SCAMP2: variants seen among roughly 807,000 people sequenced by gnomAD.
The protein encoded by SCAMP2 is secretory carrier-associated membrane protein 2.
SCAMP2 carries 25 observed loss-of-function variants against 44.1 expected under a neutral mutation model. The observed-to-expected ratio is 0.57, with a 90% CI of 0.41 to 0.79. The LOEUF (loss-of-function observed/expected upper bound fraction) is 0.79. SCAMP2 is among the 30% of genes least tolerant of loss of function. The probability of loss-of-function intolerance (pLI) is 0.00; values close to 1 mark genes in which losing one functional copy is unlikely to be tolerated. For missense variants in SCAMP2, 355 were observed against 411.0 expected (o/e 0.86, Z 1.18); for synonymous variants, 156 against 166.0 (o/e 0.94, Z 0.46).
chr15:74,866,110 TA>T (rs538249290), intron 1 of SCAMP2, among the ~76,000 whole-genome samples: 32 of 149,740 alleles, frequency 2.1e-4, no homozygotes, highest in African/African-American at 7.6e-4. Context: ...ATAGCATGAA[TA>T]AAAACAAAAA....
chr15:74,865,033 G>A (rs1425344624), intron 1 of SCAMP2, among the ~76,000 whole-genome samples: 2 of 131,684 alleles, frequency 1.5e-5, no homozygotes, highest in African/African-American at 5.9e-5. Context: ...AGGCTGCAGT[G>A]AGCTGAGATC....
intron 1 of SCAMP2, among the ~76,000 whole-genome samples, chr15:74,857,892 G>A (rs7165811): frequency 0.094 from 14,324 of 152,188 alleles, 1,011 homozygotes; most frequent in South Asian, 0.35. Context: ...GCAGCTCAGC[G>A]GTTTGAGAAG....
chr15:74,845,130 G>T lies in SCAMP2; in HGVS notation c.943C>A (p.His315Asn), dbSNP rs754112307. ...SQGIFSSRTFHRAASSAAQGA... is the reference protein window; with the variant it reads ...SQGIFSSRTFNRAASSAAQGA... Reference sequence around the variant, plus strand: ...TGGGCAGCAGATGAAGCAGCTCTGTGGAAGGTTCTGCTGCTGAAGATGCCC... The same window carrying T: ...TGGGCAGCAGATGAAGCAGCTCTGTTGAAGGTTCTGCTGCTGAAGATGCCC... Residue 315 changes from histidine (H) to asparagine (N), a missense_variant, in exon 9 of 9, where the codon CAC becomes AAC. His to Asn is a moderately conservative substitution (Grantham distance 68). Transcript: ENST00000268099. 1 of 1,614,062 alleles carries T rather than the reference G, an allele frequency of 6.2e-7. No individual in the cohort carries two copies. The highest frequency in any genetic ancestry group is 8.5e-7 in the Non-Finnish European group (1 of 1,179,988).
chr15:74,872,219 C>A (rs377198396), intron 1 of SCAMP2, among the ~76,000 whole-genome samples: 1 of 151,186 alleles, frequency 6.6e-6, no homozygotes, highest in African/African-American at 2.4e-5. Flanking sequence ...TTGAGACCAG[C>A]CTGGCCAACA....
chr15:74,848,803 C>A, intron 6 of SCAMP2, 102 bp from the exon 7 acceptor site: 1 of 790,304 alleles, frequency 1.3e-6, no homozygotes, highest in Non-Finnish European at 2.1e-6. Context: ...CAGGAGGCAG[C>A]ATGGGCAAGA....
chr15:74,872,198 A>G (rs2064580615), intron 1 of SCAMP2, among the ~76,000 whole-genome samples: 1 of 151,946 alleles, frequency 6.6e-6, no homozygotes, highest in Non-Finnish European at 1.5e-5. Context: ...GGATCACCTG[A>G]GGTCAGGAGT....
At chr15:74,853,990 A>G (rs1209915774) in intron 3 of SCAMP2, 31 bp downstream of exon 3, 1 of 1,567,664 alleles carries the variant, frequency 6.4e-7, no homozygotes, top group Non-Finnish European at 8.8e-7. Context: ...CTCACTGGAG[A>G]GAAAAGGCCA....
At chr15:74,853,325 C>G in intron 3 of SCAMP2, 1 of 441,658 alleles carries the variant, frequency 2.3e-6, no homozygotes, top group East Asian at 7.1e-5. Context: ...GGGCAGGCTC[C>G]GGGTGCCCTG....
intron 8 of SCAMP2, 29 bp from the exon 9 acceptor site, chr15:74,845,246 C>A (rs1596412435): frequency 2.5e-6 from 4 of 1,607,176 alleles, no homozygotes; most frequent in Non-Finnish European, 3.4e-6. Flanking sequence ...GTGAGAGAAG[C>A]CTGTCCTTTG....
Position 74,873,360 on chromosome 15 carries a change from G to T in SCAMP2, c.-105C>A. On this transcript the variant is annotated 5_prime_UTR_variant, in exon 1 of 9. Transcript: ENST00000268099. ...CCTCCACTTCCGGGAGCGAGGCAGC[G>T]GTTCTGGCGCAGGCGCGATGCCCTC... The T allele has an allele frequency of 5.7e-6, 6 of 1,055,846 alleles. No individual in the cohort carries two copies. Among genetic ancestry groups the T allele is most frequent in the Non-Finnish European group, 7.7e-6 (6 of 780,618 alleles). The allele number at this position is 1,055,846 out of a possible 1,614,324, so 65.4% of individuals were successfully genotyped here.
intron 1 of SCAMP2, among the ~76,000 whole-genome samples, chr15:74,865,785 C>CAAAAAA (rs768984095): frequency 1.1e-5 from 1 of 90,658 alleles, no homozygotes; most frequent in African/African-American, 4.6e-5. Flanking sequence ...CTCATTTCTC[C>CAAAAAA]AAAAAAAAAA....
In SCAMP2 at chr15:74,862,275, AAAAAAAAAAAAAAAT is replaced by A. The variant is rs1294882394; in HGVS notation, c.58-7641_58-7627del. On this transcript the variant is annotated intron_variant, in intron 1 of 8. Coordinates refer to ENST00000268099, the MANE Select transcript of SCAMP2 (RefSeq NM_005697.5). ...GAGACTCTGTCTCCAAAAAAAAAAA[AAAAAAAAAAAAAAAT>A]TCCTGGCCAGGTGCAATGGCTCACA... 2.1e-3 allele frequency among the ~76,000 whole-genome samples: 284 copies of A among 132,532 alleles called. 35 individuals are homozygous for A. Among genetic ancestry groups the A allele is most frequent in the African/African-American group, 8.6e-3 (270 of 31,214 alleles). 86.9% of individuals were successfully genotyped at this position (132,532 alleles called of 152,430 possible).
In SCAMP2 at chr15:74,844,209, G is replaced by GGGA. The variant is rs2064367602; in HGVS notation, c.*873_*874insTCC. 2 of 150,252 alleles carry GGGA rather than the reference G, an allele frequency of 1.3e-5. No homozygotes were observed. Among genetic ancestry groups the GGGA allele is most frequent in the South Asian group, 4.4e-4 (2 of 4,542 alleles). The allele number at this position is 150,252 out of a possible 1,614,324, so 9.3% of individuals were successfully genotyped here. A position where few individuals can be genotyped will look rare whatever the true frequency, so the allele number is the denominator to read the frequency against. On this transcript the variant is annotated 3_prime_UTR_variant, in exon 9 of 9. Coordinates refer to ENST00000268099, the MANE Select transcript of SCAMP2 (RefSeq NM_005697.5). The stretch of plus-strand genomic sequence containing the variant: ...GCCGTCCCTCGGTTCGGGGAGGGGG[G>GGGA]GGGGTAGTCACAGCAAACAGGGCCA...
At position 74,850,535 on chromosome 15, in the gene SCAMP2, C is replaced by T. The variant is rs770225471; in HGVS notation, c.611G>A (p.Arg204Gln). 23 of 1,613,842 alleles carry T rather than the reference C, an allele frequency of 1.4e-5. No homozygotes were observed. The highest frequency in any genetic ancestry group is 1.9e-5 in the Non-Finnish European group (22 of 1,179,952). ...FTPCAFLCWY[R>Q]PIYKAFRSDN... Reference sequence around the variant, plus strand: ...TCACCTAAAGGCCTTATAGATGGGTCGGTACCAACAAAGGAAGGCACAGGG... The same window carrying T: ...TCACCTAAAGGCCTTATAGATGGGTTGGTACCAACAAAGGAAGGCACAGGG... Residue 204 changes from arginine to glutamine, a missense_variant, in exon 6 of 9, where the codon CGA (arginine) becomes CAA (glutamine). Arg to Gln is a conservative substitution (Grantham distance 43, BLOSUM62 1). Transcript: ENST00000268099.
intron 1 of SCAMP2, among the ~76,000 whole-genome samples, chr15:74,872,563 C>G (rs1207410942): frequency 1.3e-5 from 2 of 152,190 alleles, no homozygotes; most frequent in Admixed American, 1.3e-4. Flanking sequence ...CCCGGGCTCT[C>G]CTATCTGGTC....
intron 6 of SCAMP2, among the ~76,000 whole-genome samples, chr15:74,850,236 G>C (rs1290116872): frequency 6.6e-6 from 1 of 152,210 alleles, no homozygotes; most frequent in Non-Finnish European, 1.5e-5. Flanking sequence ...AACGGCATCA[G>C]CCAGACTGGG....
intron 1 of SCAMP2, among the ~76,000 whole-genome samples, chr15:74,866,034 A>C (rs1217330186): frequency 1.7e-5 from 1 of 60,588 alleles, no homozygotes; most frequent in Non-Finnish European, 3.0e-5. Flanking sequence ...GAGGGAGGGG[A>C]GGGGAGGGGA....
In SCAMP2 at chr15:74,871,707, G is replaced by A. The variant is rs538166392; in HGVS notation, c.57+1492C>T. ...GCTGAGGTTGCAGTGAGCCGAGATC[G>A]CGCCACTGCACTCCAGCCTGGGCAA... is the stretch of plus-strand genomic sequence containing the variant. On this transcript the variant is annotated intron_variant, in intron 1 of 8. Coordinates refer to ENST00000268099, the MANE Select transcript of SCAMP2 (RefSeq NM_005697.5). Among the ~76,000 whole-genome samples the A allele has an allele frequency of 1.4e-4, 21 of 151,534 alleles. 1 individual carries two copies. Among genetic ancestry groups the A allele is most frequent in the South Asian group, 6.3e-4 (3 of 4,782 alleles).
intron 1 of SCAMP2, among the ~76,000 whole-genome samples, chr15:74,869,542 C>A (rs1018947616): frequency 2.0e-5 from 3 of 152,190 alleles, no homozygotes; most frequent in Non-Finnish European, 4.4e-5. Context: ...GTCTGAGCTT[C>A]AAAACCTTTA....
Sources: allele counts gnomAD v4.1 joint callset (sites outside exome capture counted in the v4.1 genomes callset), GRCh38; gene constraint gnomAD v4.1.1; transcripts MANE v1.5; gene names NCBI Gene and HGNC (gene_info 2026-07-23, HGNC 2026-07-21).